Variants in ROBO1 observed in about 807,000 individuals in gnomAD.
ROBO1 encodes the protein roundabout guidance receptor 1.
A neutral mutation model predicts 195.9 loss-of-function variants in ROBO1; 149 were observed. The observed-to-expected ratio is 0.76, with a 90% CI of 0.67 to 0.87. ROBO1 has a LOEUF of 0.87. ROBO1 is among the 40% of genes least tolerant of loss of function. ROBO1 has a pLI of 0.00. For missense variants in ROBO1, 1,933 were observed against 2,068.3 expected, an observed-to-expected ratio of 0.93 and a Z score of 1.27; for synonymous variants, 816 against 733.2, an observed-to-expected ratio of 1.11 and a Z score of -1.82.
At chr3:79,378,273 G>C (rs558719662) in intron 2 of ROBO1, among the ~76,000 whole-genome samples, 52 of 151,824 alleles carry the variant, frequency 3.4e-4, no homozygotes, top group Non-Finnish European at 6.2e-4. Context: ...TAGCCATTCA[G>C]AACTAACTAG....
intron 2 of ROBO1, among the ~76,000 whole-genome samples, chr3:79,486,747 C>T (rs1002249622): frequency 2.2e-4 from 33 of 152,168 alleles, no homozygotes; most frequent in Admixed American, 1.3e-4. Flanking sequence ...CAAAATATGC[C>T]ATTTTGGCAA....
chr3:79,487,122 C>T (rs1311728785), intron 2 of ROBO1, among the ~76,000 whole-genome samples: 1 of 138,032 alleles, frequency 7.2e-6, no homozygotes, highest in African/African-American at 2.8e-5. Context: ...TCCCAGGAAC[C>T]TCCTGGAGAA....
chr3:78,978,015 T>A (rs550227905), intron 3 of ROBO1, among the ~76,000 whole-genome samples: 1 of 152,354 alleles, frequency 6.6e-6, no homozygotes, highest in East Asian at 1.9e-4. Context: ...ATAAACTGCA[T>A]GTATTCAAAT....
chr3:79,344,557 C>G (rs1477726901), intron 2 of ROBO1, among the ~76,000 whole-genome samples: 1 of 152,096 alleles, frequency 6.6e-6, no homozygotes, highest in Non-Finnish European at 1.5e-5. Context: ...ATTCTCAGAA[C>G]ACTTGTGGGA....
At chr3:78,622,529 A>G (rs139849607) in intron 26 of ROBO1, among the ~76,000 whole-genome samples, 1 of 152,328 alleles carries the variant, frequency 6.6e-6, no homozygotes, top group Admixed American at 6.5e-5. Context: ...TAAGCTACAT[A>G]TCTGGCCATG....
At chr3:78,931,141 A>C (rs946273713) in intron 4 of ROBO1, among the ~76,000 whole-genome samples, 2 of 152,310 alleles carry the variant, frequency 1.3e-5, no homozygotes, top group Middle Eastern at 3.4e-3. Flanking sequence ...ACTTTAAAAA[A>C]AAATCACTTT....
chr3:79,244,802 AT>A (rs2082592810), intron 2 of ROBO1, among the ~76,000 whole-genome samples: 1 of 152,086 alleles, frequency 6.6e-6, no homozygotes, highest in Non-Finnish European at 1.5e-5. Flanking sequence ...AGGCATATAC[AT>A]TTTAGAAAGT....
chr3:79,567,222 G>A (rs115544649), intron 2 of ROBO1, among the ~76,000 whole-genome samples: 2,871 of 152,204 alleles, frequency 0.019, 83 homozygotes, highest in African/African-American at 0.066. Context: ...TGGACACATA[G>A]AGGGAAACAA....
At chr3:79,681,135 G>C (rs1362974193) in intron 1 of ROBO1, among the ~76,000 whole-genome samples, 1 of 151,988 alleles carries the variant, frequency 6.6e-6, no homozygotes, top group Non-Finnish European at 1.5e-5. Context: ...GTTTAGAAGA[G>C]ACTAACATTA....
In ROBO1 at chr3:79,267,629, C is replaced by A. The variant is rs1398927387; in HGVS notation, c.89-142090G>T. Among the ~76,000 whole-genome samples, 2 of 151,088 alleles carry A rather than the reference C, an allele frequency of 1.3e-5. 1 individual carries two copies. The highest frequency in any genetic ancestry group is 4.1e-4 in the South Asian group (2 of 4,824). On this transcript the variant is annotated intron_variant, in intron 2 of 30. Coordinates refer to ENST00000464233, the MANE Select transcript of ROBO1 (RefSeq NM_002941.4). Reference sequence around the variant, plus strand: ...AGACCCATCTCATTTATAAGCACTGCAGGTAAAATAAATCTACTTGAAGTT... The same window carrying A: ...AGACCCATCTCATTTATAAGCACTGAAGGTAAAATAAATCTACTTGAAGTT...
intron 1 of ROBO1, among the ~76,000 whole-genome samples, chr3:79,641,603 T>C (rs1033136651): frequency 1.3e-5 from 2 of 152,044 alleles, no homozygotes; most frequent in Non-Finnish European, 2.9e-5. Context: ...TGACTGATCC[T>C]AGTGAGTCTG....
In ROBO1 at chr3:78,821,463, C is replaced by G. The variant is rs144726011; in HGVS notation, c.500-74563G>C. On this transcript the variant is annotated intron_variant, in intron 4 of 30. Transcript: ENST00000464233. ...ACAGGCATGAGCCACTGTGCCCAGC[C>G]GATACTGATGTTTTATCTTATGACA... Among the ~76,000 whole-genome samples, 1,187 of 152,146 alleles carry G rather than the reference C, an allele frequency of 7.8e-3. 17 individuals are homozygous for G. Among genetic ancestry groups the G allele is most frequent in the African/African-American group, 0.026 (1,065 of 41,524 alleles).
intron 4 of ROBO1, among the ~76,000 whole-genome samples, chr3:78,865,704 C>CTCG (rs1410784650): frequency 1.3e-5 from 2 of 152,042 alleles, no homozygotes; most frequent in Non-Finnish European, 2.9e-5. Flanking sequence ...ATCTCCTGAC[C>CTCG]TCGTGATCCT....
At chr3:79,367,216 T>A (rs2036010868) in intron 2 of ROBO1, among the ~76,000 whole-genome samples, 2 of 152,196 alleles carry the variant, frequency 1.3e-5, no homozygotes, top group South Asian at 4.1e-4. Flanking sequence ...TATTTTTTTT[T>A]TCTCTTGACT....
chr3:79,586,107 T>C (rs1363010112), intron 2 of ROBO1, among the ~76,000 whole-genome samples: 2 of 151,986 alleles, frequency 1.3e-5, no homozygotes, highest in Non-Finnish European at 2.9e-5. Flanking sequence ...TTCAATTTGT[T>C]TTCACATGTC....
chr3:79,024,885 C>A (rs1330489491), intron 3 of ROBO1, among the ~76,000 whole-genome samples: 37 of 152,276 alleles, frequency 2.4e-4, no homozygotes, highest in Admixed American at 2.3e-3. Flanking sequence ...ATGTTTAAGT[C>A]ACTGCACTTC....
rs542038372 is a variant in ROBO1 at position 79,712,695 on chromosome 3, T to A, written c.-51+55057A>T. Among the ~76,000 whole-genome samples the A allele has an allele frequency of 1.3e-5, 2 of 152,126 alleles. 1 individual carries two copies. Among genetic ancestry groups the A allele is most frequent in the South Asian group, 4.1e-4 (2 of 4,820 alleles). On this transcript the variant is annotated intron_variant, in intron 1 of 30. Coordinates refer to ENST00000464233, the MANE Select transcript of ROBO1 (RefSeq NM_002941.4). Reference sequence around the variant, plus strand: ...TAACAGCCTTCAACTGGAAAAAAAATGTCATCTAGGACTTTCATAGCTAGA... The same window carrying A: ...TAACAGCCTTCAACTGGAAAAAAAAAGTCATCTAGGACTTTCATAGCTAGA...
chr3:79,709,656 A>C (rs1396750784), intron 1 of ROBO1, among the ~76,000 whole-genome samples: 2 of 151,090 alleles, frequency 1.3e-5, no homozygotes, highest in African/African-American at 2.5e-5. Flanking sequence ...CAATAACTAC[A>C]TTCTGCATGA....
intron 1 of ROBO1, among the ~76,000 whole-genome samples, chr3:79,652,911 C>A (rs1946053381): frequency 6.6e-6 from 1 of 151,850 alleles, no homozygotes; most frequent in Non-Finnish European, 1.5e-5. Context: ...AAGGAACAGA[C>A]CATTCTACTT....
Sources: gnomAD v4.1 joint callset for allele counts (sites outside exome capture counted in the v4.1 genomes callset) on GRCh38, gnomAD v4.1.1 for gene constraint, MANE v1.5 for transcripts, NCBI Gene and HGNC (gene_info 2026-07-23, HGNC 2026-07-21) for gene names.